Variants in LGALS12 observed in about 807,000 individuals in gnomAD.
The protein encoded by LGALS12 is galectin 12.
In LGALS12, 36 loss-of-function variants were observed where a neutral mutation model predicts 36.8. The observed-to-expected ratio is 0.98, with a 90% confidence interval of 0.75 to 1.29. The LOEUF (loss-of-function observed/expected upper bound fraction) is 1.29, where lower values mean the gene tolerates loss of function less well. LGALS12 is among the 50% of genes most tolerant of loss of function. The probability of loss-of-function intolerance (pLI) is 0.00; values close to 1 mark genes in which losing one functional copy is unlikely to be tolerated. For synonymous variants in LGALS12, 145 were observed against 155.9 expected, an observed-to-expected ratio of 0.93 and a Z score of 0.52; for missense variants, 366 against 394.3, an observed-to-expected ratio of 0.93 and a Z score of 0.61.
At chr11:63,511,640 G>T in intron 6 of LGALS12, 112 bp from the exon 7 acceptor site, 1 of 706,710 alleles carries the variant, frequency 1.4e-6, no homozygotes, top group Non-Finnish European at 2.5e-6. Flanking sequence ...TGTCCTGGCG[G>T]CAGGCCTGGG....
At position 63,516,442 on chromosome 11, in the gene LGALS12, C is replaced by T; in HGVS notation, c.*49C>T. The T allele has an allele frequency of 5.0e-6, 8 of 1,605,378 alleles. No homozygotes were observed. Among genetic ancestry groups the T allele is most frequent in the Non-Finnish European group, 6.8e-6 (8 of 1,174,998 alleles). On this transcript the variant is annotated 3_prime_UTR_variant, in exon 9 of 9. Transcript: ENST00000394618. ...CAGAAAACAAGAAGGTCAGCCCACT[C>T]CCAGGGCCCCACTCTCCTCCCCTCA...
intron 7 of LGALS12, 124 bp from the exon 8 acceptor site, chr11:63,515,437 GTT>G: frequency 9.1e-7 from 1 of 1,093,682 alleles, no homozygotes; most frequent in Non-Finnish European, 1.3e-6. Context: ...CTCAGTGCTT[GTT>G]TCTGGAGGCT....
At position 63,511,628 on chromosome 11, in the gene LGALS12, C is replaced by T. The variant is rs955972655; in HGVS notation, c.559-124C>T. The T allele has an allele frequency of 2.9e-5, 19 of 662,796 alleles. No homozygotes were observed. The East Asian group carries it at 4.5e-4, about 16-fold the overall frequency. The allele number at this position is 662,796 out of a possible 1,614,324, so 41.1% of individuals were successfully genotyped here. On this transcript the variant is annotated intron_variant, in intron 6 of 8. Coordinates refer to ENST00000394618, the MANE Select transcript of LGALS12 (RefSeq NM_033101.4). Reference sequence around the variant, plus strand: ...GGCCAGGTGCTTAACAAATAAGCAGCGTGTCCTGGCGGCAGGCCTGGGCAG... The same window carrying T: ...GGCCAGGTGCTTAACAAATAAGCAGTGTGTCCTGGCGGCAGGCCTGGGCAG...
chr11:63,510,032 G>C lies in LGALS12; in HGVS notation c.492+135G>C, dbSNP rs968102138. 29 of 1,107,018 alleles carry C rather than the reference G, an allele frequency of 2.6e-5. No individual in the cohort carries two copies. In the African/African-American group the frequency reaches 3.8e-4, roughly 14 times the overall value. The allele number at this position is 1,107,018 out of a possible 1,614,324, so 68.6% of individuals were successfully genotyped here. A position where few individuals can be genotyped will look rare whatever the true frequency, so the allele number is the denominator to read the frequency against. On this transcript the variant is annotated intron_variant, in intron 4 of 8. Coordinates refer to ENST00000394618, the MANE Select transcript of LGALS12 (RefSeq NM_033101.4). The stretch of plus-strand genomic sequence containing the variant: ...CTGTGCACCAGTAATAGCCAAGGGG[G>C]AGGGAGTCCACTGAGGTTTCGGGTG...
Position 63,515,640 on chromosome 11 carries a change from C to G in LGALS12, c.725C>G (p.Ala242Gly), listed in dbSNP as rs142391311. Residue 242 changes from alanine (A) to glycine (G), a missense_variant, in exon 8 of 9, where the codon GCC becomes GGC. Physicochemically the swap from Ala to Gly is moderately conservative, Grantham distance 60 (BLOSUM62 0). Coordinates refer to ENST00000394618, the MANE Select transcript of LGALS12 (RefSeq NM_033101.4). ...LRASFADRTLAWISRWGQKKL... is the reference protein window; with the variant it reads ...LRASFADRTLGWISRWGQKKL... Reference sequence around the variant, plus strand: ...GCCTCCTTCGCAGACAGAACTCTGGCCTGGATCTCCCGCTGGGGGCAGAAG... The same window carrying G: ...GCCTCCTTCGCAGACAGAACTCTGGGCTGGATCTCCCGCTGGGGGCAGAAG... The G allele has an allele frequency of 6.2e-7, 1 of 1,614,238 alleles. No homozygotes were observed. Among genetic ancestry groups the G allele is most frequent in the East Asian group, 2.2e-5 (1 of 44,884 alleles).
In LGALS12 at chr11:63,515,599, T is replaced by C; in HGVS notation, c.684T>C (p.Ala228=). 1.2e-6 allele frequency: 2 copies of C among 1,614,242 alleles called. No individual in the cohort carries two copies. Among genetic ancestry groups the C allele is most frequent in the Non-Finnish European group, 1.7e-6 (2 of 1,180,028 alleles). Residue 228 remains alanine, a synonymous_variant, in exon 8 of 9, where the codon GCT becomes GCC. Coordinates refer to ENST00000394618, the MANE Select transcript of LGALS12 (RefSeq NM_033101.4). ...GCCTGAGGGACCAGGCTGCCCATGCTCCTGTGACACTCAGGGCCTCCTTCG... is the reference window on the plus strand; with the variant it reads ...GCCTGAGGGACCAGGCTGCCCATGCCCCTGTGACACTCAGGGCCTCCTTCG... ...TVSLRDQAAH[A]PVTLRASFAD...
At position 63,508,926 on chromosome 11, in the gene LGALS12, C is replaced by T. The variant is rs2016831683; in HGVS notation, c.307C>T (p.His103Tyr). Residue 103 changes from histidine (H) to tyrosine (Y), a missense_variant, in exon 3 of 9, where the codon CAC (histidine) becomes TAC (tyrosine). By Grantham distance (83) the His-to-Tyr change is moderately conservative (BLOSUM62 2). Coordinates refer to ENST00000394618, the MANE Select transcript of LGALS12 (RefSeq NM_033101.4). The stretch of plus-strand genomic sequence containing the variant: ...CTGGCAAAGGGAGGCCCGGTGGCCC[C>T]ACCTGGCCCTGCGAAGAGGCTCCAG... Reference protein sequence around the residue: ...GRWQREARWPHLALRRGSSFL... With the variant: ...GRWQREARWPYLALRRGSSFL... The T allele has an allele frequency of 1.2e-6, 2 of 1,614,262 alleles. No homozygotes were observed. Among genetic ancestry groups the T allele is most frequent in the South Asian group, 1.1e-5 (1 of 91,088 alleles).
chr11:63,508,387 G>A, intron 1 of LGALS12, 166 bp from the exon 2 acceptor site: 8 of 1,447,376 alleles, frequency 5.5e-6, no homozygotes, highest in Non-Finnish European at 7.2e-6. Context: ...AGGGGATTAG[G>A]TGGAAGAAAA....
chr11:63,516,570 CA>C lies in LGALS12; in HGVS notation c.*180del. Reference sequence around the variant, plus strand: ...GGGCCTGAGGGAAGGCACAAGAGTGCAAAGGTTCCTCGAACTCTGCACCTTC... The same window carrying C: ...GGGCCTGAGGGAAGGCACAAGAGTGCAAGGTTCCTCGAACTCTGCACCTTC... On this transcript the variant is annotated 3_prime_UTR_variant, in exon 9 of 9. Transcript: ENST00000394618. 5 of 705,502 alleles carry C rather than the reference CA, an allele frequency of 7.1e-6. No individual in the cohort carries two copies. The Middle Eastern group carries it at 7.8e-4, about 110-fold the overall frequency. 43.7% of individuals were successfully genotyped at this position (705,502 alleles called of 1,614,324 possible).
At chr11:63,509,093 A>ACCTGACCACTACCAAT in intron 3 of LGALS12, 102 bp downstream of exon 3, 2 of 963,228 alleles carry the variant, frequency 2.1e-6, no homozygotes, top group Non-Finnish European at 3.2e-6. Context: ...TGGCATTGGT[A>ACCTGACCACTACCAAT]GTGGTCAGGT....
Position 63,512,645 on chromosome 11 carries a change from C to T in LGALS12, c.647+805C>T, listed in dbSNP as rs564826911. Reference sequence around the variant, plus strand: ...CTCTACTGAAAATAGAAAAATTAGCCGGGCATGGTGGCGCATGCCTGTAAT... The same window carrying T: ...CTCTACTGAAAATAGAAAAATTAGCTGGGCATGGTGGCGCATGCCTGTAAT... On this transcript the variant is annotated intron_variant, in intron 7 of 8. Transcript: ENST00000394618. Among the ~76,000 whole-genome samples, 9 of 152,036 alleles carry T rather than the reference C, an allele frequency of 5.9e-5. No homozygotes were observed. The East Asian group carries it at 1.4e-3, about 23-fold the overall frequency.
chr11:63,508,695 G>A (rs371479883), intron 2 of LGALS12, 54 bp downstream of exon 2: 682 of 1,613,292 alleles, frequency 4.2e-4, no homozygotes, highest in Non-Finnish European at 5.5e-4. Context: ...TAGAGGCATC[G>A]AGCTGGAGGG....
intron 4 of LGALS12, 138 bp from the exon 5 acceptor site, chr11:63,510,325 C>A: frequency 1.2e-6 from 1 of 808,018 alleles, no homozygotes; most frequent in Non-Finnish European, 2.1e-6. Flanking sequence ...TTCAAAATGC[C>A]AGCAAGAAGC....
rs762443964 is a variant in LGALS12 at position 63,516,255 on chromosome 11, C to T, written c.807C>T (p.Leu269=). The part of the protein sequence containing the change: ...FYPQRFFEVL[L]LFQEGGLKLA... ...ATGTCCTCCTTTCCCAGGTGCTGCT[C>T]CTGTTCCAGGAGGGAGGGCTGAAGC... Residue 269 remains leucine, a synonymous_variant, in exon 9 of 9, where the codon CTC becomes CTT. Transcript: ENST00000394618. 9 of 1,578,634 alleles carry T rather than the reference C, an allele frequency of 5.7e-6. No individual in the cohort carries two copies. Among genetic ancestry groups the T allele is most frequent in the Non-Finnish European group, 6.0e-6 (7 of 1,163,898 alleles).
At chr11:63,506,549 G>T (rs1255226909) in intron 1 of LGALS12, 22 bp downstream of exon 1, 7 of 1,614,088 alleles carry the variant, frequency 4.3e-6, no homozygotes, top group Non-Finnish European at 5.9e-6. Flanking sequence ...CTCTAATGTG[G>T]AACCTCCTCG....
At chr11:63,513,905 G>A (rs909002240) in intron 7 of LGALS12, among the ~76,000 whole-genome samples, 36 of 152,238 alleles carry the variant, frequency 2.4e-4, no homozygotes, top group African/African-American at 7.0e-4. Context: ...GTGATCTGGC[G>A]GGCTGAGCTG....
At chr11:63,514,397 C>A (rs2017017363) in intron 7 of LGALS12, among the ~76,000 whole-genome samples, 1 of 152,090 alleles carries the variant, frequency 6.6e-6, no homozygotes, top group Non-Finnish European at 1.5e-5. Flanking sequence ...TAGTGAAACC[C>A]CATCTCTACT....
Position 63,516,516 on chromosome 11 carries a change from G to C in LGALS12, c.*123G>C. 1 of 1,180,450 alleles carries C rather than the reference G, an allele frequency of 8.5e-7. No homozygotes were observed. The highest frequency in any genetic ancestry group is 1.2e-6 in the Non-Finnish European group (1 of 819,926). 73.1% of individuals were successfully genotyped at this position (1,180,450 alleles called of 1,614,324 possible). A position where few individuals can be genotyped will look rare whatever the true frequency, so the allele number is the denominator to read the frequency against. The stretch of plus-strand genomic sequence containing the variant: ...CACATCAGGCCTGGTTCACCTCTGG[G>C]GTCACGAGACTGAGTCTACAGGAGC... On this transcript the variant is annotated 3_prime_UTR_variant, in exon 9 of 9. Coordinates refer to ENST00000394618, the MANE Select transcript of LGALS12 (RefSeq NM_033101.4).
chr11:63,512,249 G>A (rs1275206248), intron 7 of LGALS12, among the ~76,000 whole-genome samples: 3 of 152,208 alleles, frequency 2.0e-5, no homozygotes, highest in African/African-American at 7.2e-5. Context: ...TGGAAGCCAG[G>A]ACTTGGAGGG....
Sources: gnomAD v4.1 joint callset for allele counts (sites outside exome capture counted in the v4.1 genomes callset) on GRCh38, gnomAD v4.1.1 for gene constraint, MANE v1.5 for transcripts, NCBI Gene and HGNC (gene_info 2026-07-23, HGNC 2026-07-21) for gene names.